The following RNF144A variants were observed in gnomAD, a reference collection of about 807,000 sequenced individuals.
The protein encoded by RNF144A is E3 ubiquitin-protein ligase RNF144A.
RNF144A carries 11 observed loss-of-function variants against 38.7 expected under a neutral mutation model. The observed-to-expected ratio is 0.28, with a 90% CI of 0.18 to 0.47. RNF144A has a LOEUF of 0.47. Ranked by LOEUF, RNF144A falls within the 20% of genes least tolerant of loss-of-function variation. The pLI is 0.99. For synonymous variants in RNF144A, 149 were observed against 143.9 expected (o/e 1.04, Z -0.25); for missense variants, 316 against 377.2 (o/e 0.84, Z 1.34).
chr2:7,032,300 G>A (rs1672359844), intron 8 of RNF144A, among the ~76,000 whole-genome samples: 1 of 149,640 alleles, frequency 6.7e-6, no homozygotes, highest in Non-Finnish European at 1.5e-5. Flanking sequence ...TGGAATCCGC[G>A]CCCCTTGCAG....
intron 2 of RNF144A, among the ~76,000 whole-genome samples, chr2:6,956,178 A>C (rs901991423): frequency 6.6e-6 from 1 of 151,120 alleles, no homozygotes; most frequent in Non-Finnish European, 1.5e-5. Context: ...TTCATAGAGG[A>C]TTGTGTCAGA....
chr2:6,994,635 C>T (rs1475048014), intron 2 of RNF144A, among the ~76,000 whole-genome samples: 2 of 152,154 alleles, frequency 1.3e-5, no homozygotes, highest in South Asian at 2.1e-4. Flanking sequence ...CTCCAATTAT[C>T]TCACTCCTCA....
At chr2:7,068,201 G>C in intron 6 of RNF144A, 1 of 1,268,902 alleles carries the variant, frequency 7.9e-7, no homozygotes, top group Non-Finnish European at 1.0e-6. Flanking sequence ...CAGTGAGTAA[G>C]GTTTTCTTTA....
intron 3 of RNF144A, among the ~76,000 whole-genome samples, chr2:7,003,010 A>G (rs1459079515): frequency 1.3e-5 from 2 of 152,174 alleles, no homozygotes; most frequent in Admixed American, 1.3e-4. Context: ...AAATAAAAAA[A>G]TTTACAAATA....
chr2:7,048,278 A>C (rs1673386126), downstream of RNF144A, among the ~76,000 whole-genome samples: 1 of 152,206 alleles, frequency 6.6e-6, no homozygotes, highest in Non-Finnish European at 1.5e-5. Flanking sequence ...CCAGGGGATA[A>C]GCATCAGGTG....
rs2103302754 is a variant in RNF144A at position 6,944,119 on chromosome 2, G to A, written c.-12+2972G>A. ...CTAATCTCAGAGGGCACTGAGACAG[G>A]GAAGTGAGGAGAGAGGACAGCGGGT... On this transcript the variant is annotated intron_variant, in intron 2 of 8. Transcript: ENST00000320892. The surrounding 1 kb of genome is among the most constrained non-coding windows in gnomAD (Gnocchi z 4.7). 6.6e-6 allele frequency among the ~76,000 whole-genome samples: 1 copy of A among 152,256 alleles called. No homozygotes were observed. Among genetic ancestry groups the A allele is most frequent in the South Asian group, 2.1e-4 (1 of 4,826 alleles).
rs183780910 is a variant in RNF144A at position 7,041,609 on chromosome 2, G to C, written c.*1849G>C. The C allele has an allele frequency of 1.0e-6, 1 of 985,828 alleles. No individual in the cohort carries two copies. The highest frequency in any genetic ancestry group is 1.2e-6 in the Non-Finnish European group (1 of 829,988). 61.1% of individuals were successfully genotyped at this position (985,828 alleles called of 1,614,324 possible). Reference sequence around the variant, plus strand: ...CTGGAGGTGGGTGGCAACTCCACGCGGGAGTCATTGGCTGGGCTTGAGCCC... The same window carrying C: ...CTGGAGGTGGGTGGCAACTCCACGCCGGAGTCATTGGCTGGGCTTGAGCCC... On this transcript the variant is annotated 3_prime_UTR_variant, in exon 9 of 9. Transcript: ENST00000320892.
At chr2:7,046,431 C>T (rs572107241), downstream of RNF144A, among the ~76,000 whole-genome samples, 7 of 152,212 alleles carry the variant, frequency 4.6e-5, 1 homozygote, top group Non-Finnish European at 8.8e-5. Context: ...GGTGACTTCC[C>T]GTGCATGTGA....
chr2:6,953,167 C>T (rs10186855), intron 2 of RNF144A, among the ~76,000 whole-genome samples: 1 of 151,702 alleles, frequency 6.6e-6, no homozygotes, highest in East Asian at 1.9e-4. Context: ...TGGCTCACAC[C>T]GGTAATCCCA....
intron 3 of RNF144A, among the ~76,000 whole-genome samples, chr2:6,999,014 A>G (rs1257927674): frequency 6.6e-6 from 1 of 152,144 alleles, no homozygotes; most frequent in African/African-American, 2.4e-5. Flanking sequence ...TGAGGCCTTC[A>G]TTTTTGTTAT....
At chr2:6,920,236 G>T (rs746413096) in intron 1 of RNF144A, among the ~76,000 whole-genome samples, 15 of 152,272 alleles carry the variant, frequency 9.9e-5, no homozygotes, top group South Asian at 8.3e-4. Flanking sequence ...TTTCCCTCTG[G>T]GGGTAGAGAT....
rs531295724 is a variant in RNF144A, at chr2:6,935,951, C to T, written c.-211-4997C>T. Among the ~76,000 whole-genome samples the T allele has an allele frequency of 6.3e-4, 96 of 152,380 alleles. 2 individuals carry two copies. In the South Asian group the frequency reaches 9.1e-3, roughly 14 times the overall value. On this transcript the variant is annotated intron_variant, in intron 1 of 8. Transcript: ENST00000320892. ...CTTCTTTCTTTCCCTCCCTCATTCC[C>T]TGCCTCCCTTCCTTTCTCCCATCAG...
At position 6,945,645 on chromosome 2, in the gene RNF144A, T is replaced by A. The variant is rs560760095; in HGVS notation, c.-12+4498T>A. On this transcript the variant is annotated intron_variant, in intron 2 of 8. Transcript: ENST00000320892. ...ATCCATGATGTGCAAGGTCCCATGC[T>A]TGAGGCTCCCAGGATAAATGAGGAG... Among the ~76,000 whole-genome samples, 5 of 152,294 alleles carry A rather than the reference T, an allele frequency of 3.3e-5. No individual in the cohort carries two copies. The South Asian group carries it at 1.0e-3, about 32-fold the overall frequency.
At chr2:6,991,269 A>G (rs1039976660) in intron 2 of RNF144A, among the ~76,000 whole-genome samples, 1 of 152,180 alleles carries the variant, frequency 6.6e-6, no homozygotes, top group Non-Finnish European at 1.5e-5. Flanking sequence ...ACAGCGTCCA[A>G]GTACTTTCCT....
intron 6 of RNF144A, among the ~76,000 whole-genome samples, chr2:7,060,735 T>G (rs973152157): frequency 2.0e-5 from 3 of 152,158 alleles, no homozygotes; most frequent in Non-Finnish European, 4.4e-5. Context: ...TTATAACCTC[T>G]TCTGAGACCC....
At chr2:6,942,375 T>C (rs1231310460) in intron 2 of RNF144A, among the ~76,000 whole-genome samples, 1 of 152,020 alleles carries the variant, frequency 6.6e-6, no homozygotes, top group Non-Finnish European at 1.5e-5. Context: ...TCAGAGGACG[T>C]TGGAGAGGGC....
rs1259236882 is a variant in RNF144A at position 7,062,960 on chromosome 2, T to A, written c.735-5256T>A. The A allele has an allele frequency of 3.3e-5, 5 of 152,200 alleles. No homozygotes were observed. In the South Asian group the frequency reaches 1.0e-3, roughly 32 times the overall value. The allele number at this position is 152,200 out of a possible 1,614,324, so 9.4% of individuals were successfully genotyped here. On this transcript the variant is annotated intron_variant, in intron 6 of 6. Coordinates refer to the RNF144A transcript ENST00000432850. Reference sequence around the variant, plus strand: ...AGAAGACAAAACAATAAAAATTTATTAGAAATATTTTTGACCTGAGTACTG... The same window carrying A: ...AGAAGACAAAACAATAAAAATTTATAAGAAATATTTTTGACCTGAGTACTG...
intron 1 of RNF144A, among the ~76,000 whole-genome samples, chr2:6,919,680 G>A (rs576815259): frequency 6.6e-6 from 1 of 152,170 alleles, no homozygotes; most frequent in African/African-American, 2.4e-5. Flanking sequence ...GGCATCAAAG[G>A]CTGTGGATGG....
At chr2:7,052,912 G>A (rs774689167) in intron 6 of RNF144A, among the ~76,000 whole-genome samples, 17 of 151,516 alleles carry the variant, frequency 1.1e-4, no homozygotes, top group African/African-American at 2.9e-4. Flanking sequence ...CCTTTATTTC[G>A]CTTTACAATA....
Sources: gnomAD v4.1 joint callset for allele counts (sites outside exome capture counted in the v4.1 genomes callset) on GRCh38, gnomAD v4.1.1 for gene constraint, Gnocchi (gnomAD v3.1) non-coding constraint, MANE v1.5 for transcripts, NCBI Gene and HGNC (gene_info 2026-07-23, HGNC 2026-07-21) for gene names.